GON4L: variants seen among roughly 807,000 people sequenced by gnomAD.
GON4L encodes the protein gon-4 like.
Under a neutral mutation model 211.8 loss-of-function variants are expected in GON4L, and 87 were observed. That is an observed-to-expected ratio of 0.41 (90% CI 0.35 to 0.49). The LOEUF (loss-of-function observed/expected upper bound fraction) is 0.49. GON4L is among the 20% of genes least tolerant of loss of function. GON4L has a pLI of 0.15. For synonymous variants in GON4L, 875 were observed against 962.6 expected, an observed-to-expected ratio of 0.91 and a Z score of 1.68; for missense variants, 2,155 against 2,659.5, an observed-to-expected ratio of 0.81 and a Z score of 4.17.
intron 2 of GON4L, among the ~76,000 whole-genome samples, chr1:155,829,691 T>C (rs1669565526): frequency 6.6e-6 from 1 of 152,186 alleles, no homozygotes; most frequent in South Asian, 2.1e-4. Context: ...TGGCAGTACA[T>C]AAGTTACAGA....
intron 2 of GON4L, among the ~76,000 whole-genome samples, chr1:155,837,660 A>ACC (rs1306544566): frequency 6.6e-6 from 1 of 151,562 alleles, no homozygotes; most frequent in Non-Finnish European, 1.5e-5. Context: ...AGGGAAAGGT[A>ACC]CCCCTCATCC....
chr1:155,826,772 A>G, intron 3 of GON4L, 65 bp downstream of exon 3: 1 of 1,039,264 alleles, frequency 9.6e-7, no homozygotes, highest in Admixed American at 1.8e-5. Flanking sequence ...GGACATGTGC[A>G]GTTTTCTACA....
intron 23 of GON4L, among the ~76,000 whole-genome samples, chr1:155,761,077 A>G (rs1571637198): frequency 6.6e-6 from 1 of 152,160 alleles, no homozygotes; most frequent in East Asian, 1.9e-4. Context: ...TATCATTGCC[A>G]GTATTCTGCT....
chr1:155,857,505 G>A (rs1156290731), upstream of GON4L, among the ~76,000 whole-genome samples: 1 of 152,140 alleles, frequency 6.6e-6, no homozygotes, highest in African/African-American at 2.4e-5. Context: ...GGAGGCGGGC[G>A]GATTACCTGA....
chr1:155,785,960 G>A (rs1299842472), intron 12 of GON4L, among the ~76,000 whole-genome samples: 2 of 152,138 alleles, frequency 1.3e-5, no homozygotes, highest in Non-Finnish European at 2.9e-5. Context: ...GCCAGCCGTG[G>A]TGGTGGGCGC....
chr1:155,851,620 G>A (rs1199782800), intron 2 of GON4L, among the ~76,000 whole-genome samples: 1 of 151,898 alleles, frequency 6.6e-6, no homozygotes, highest in Non-Finnish European at 1.5e-5. Flanking sequence ...GGAGGCTGAG[G>A]CAGGAGAATC....
chr1:155,824,614 C>T (rs1406442007), intron 3 of GON4L, among the ~76,000 whole-genome samples: 3 of 150,516 alleles, frequency 2.0e-5, no homozygotes, highest in South Asian at 4.2e-4. Context: ...AGTGGTGGAG[C>T]GCACCTGTAA....
At chr1:155,852,720 G>A (rs1006552211) in intron 2 of GON4L, among the ~76,000 whole-genome samples, 1 of 152,172 alleles carries the variant, frequency 6.6e-6, no homozygotes, top group Non-Finnish European at 1.5e-5. Context: ...CCTGGCCTGG[G>A]TGACAGAGCG....
Position 155,779,788 on chromosome 1 carries a change from A to AATTT in GON4L, c.1893-1972_1893-1969dup, listed in dbSNP as rs542685266. On this transcript the variant is annotated intron_variant, in intron 14 of 31. Coordinates refer to ENST00000368331, the MANE Select transcript of GON4L (RefSeq NM_001282860.2). ...TTAGGGTTGGGAACCTTAGAAGAGGAATTTATTTATTTATTTATTTATTTA... is the reference window on the plus strand; with the variant it reads ...TTAGGGTTGGGAACCTTAGAAGAGGAATTTATTTATTTATTTATTTATTTATTTA... Among the ~76,000 whole-genome samples, 963 of 151,784 alleles carry AATTT rather than the reference A, an allele frequency of 6.3e-3. 4 individuals are homozygous for AATTT. The highest frequency in any genetic ancestry group is 9.8e-3 in the Non-Finnish European group (664 of 67,894).
chr1:155,810,444 A>G lies in GON4L; in HGVS notation c.1452+3190T>C, dbSNP rs528954977. Reference sequence around the variant, plus strand: ...TGGCTAAGGCCAGGCATGGTGGCTCACGCCTGTAATCCTAGCACTTTGGGA... The same window carrying G: ...TGGCTAAGGCCAGGCATGGTGGCTCGCGCCTGTAATCCTAGCACTTTGGGA... On this transcript the variant is annotated intron_variant, in intron 10 of 31. Transcript: ENST00000368331. 1.9e-3 allele frequency among the ~76,000 whole-genome samples: 289 copies of G among 152,208 alleles called. 2 individuals are homozygous for G. The highest frequency in any genetic ancestry group is 6.6e-3 in the African/African-American group (276 of 41,532).
intron 3 of GON4L, among the ~76,000 whole-genome samples, chr1:155,822,828 CTT>C (rs1487390546): frequency 1.3e-5 from 2 of 152,154 alleles, no homozygotes; most frequent in Non-Finnish European, 2.9e-5. Flanking sequence ...AGTTTTCGCT[CTT>C]TGTTGCCCAG....
chr1:155,772,108 G>A (rs867550888), intron 18 of GON4L, among the ~76,000 whole-genome samples: 1 of 151,688 alleles, frequency 6.6e-6, no homozygotes, highest in South Asian at 2.1e-4. Context: ...AGCCGAGATC[G>A]CACCATTGCA....
Position 155,750,229 on chromosome 1 carries a change from G to T in GON4L, c.*355C>A. On this transcript the variant is annotated 3_prime_UTR_variant, in exon 32 of 32. Transcript: ENST00000368331. ...TTCATGCAGAGGAGCTCAATGTCGC[G>T]GGACTAGCTACACCAACATATGCAC... 1.1e-5 allele frequency: 6 copies of T among 553,514 alleles called. No homozygotes were observed. The East Asian group carries it at 1.8e-4, about 17-fold the overall frequency. The allele number at this position is 553,514 out of a possible 1,614,324, so 34.3% of individuals were successfully genotyped here.
intron 11 of GON4L, among the ~76,000 whole-genome samples, chr1:155,798,576 A>ATTTTTT (rs34273258): frequency 3.0e-4 from 27 of 89,512 alleles, no homozygotes; most frequent in African/African-American, 1.2e-3. Context: ...CGTCAGGCTA[A>ATTTTTT]TTTTTTTTTT....
downstream of GON4L, chr1:155,745,860 T>C: frequency 2.3e-6 from 2 of 865,964 alleles, no homozygotes; most frequent in Admixed American, 5.1e-5. Context: ...GTGCTCACAC[T>C]GCAGTTGGGA....
downstream of GON4L, among the ~76,000 whole-genome samples, chr1:155,745,617 C>G (rs1419245948): frequency 6.6e-6 from 1 of 152,032 alleles, no homozygotes; most frequent in Non-Finnish European, 1.5e-5. Flanking sequence ...CCGTGGAGCC[C>G]CGCCTCTCGC....
At position 155,765,538 on chromosome 1, in the gene GON4L, G is replaced by A. The variant is rs1662362378; in HGVS notation, c.3935C>T (p.Ser1312Phe). The A allele has an allele frequency of 6.2e-7, 1 of 1,614,148 alleles. No individual in the cohort carries two copies. ...ATCCCCAGGGGTAGGGTTGTTTAGA[G>A]ACTCCTGGATGCCCTGAGGGAGCGG... The part of the protein sequence containing the change: ...LEPLPQGIQE[S>F]LNNPTPGDLE... The change falls in exon 21 of 32, where the codon TCT becomes TTT. Residue 1312 changes from serine (S) to phenylalanine (F), a missense_variant. Ser to Phe is a radical substitution (Grantham distance 155). This residue lies in a region of GON4L where 615 missense variants were observed against 625.7 expected (regional missense o/e 0.98). Coordinates refer to ENST00000368331, the MANE Select transcript of GON4L (RefSeq NM_001282860.2).
chr1:155,768,928 T>TTG (rs1662863686), intron 19 of GON4L, among the ~76,000 whole-genome samples: 2 of 152,176 alleles, frequency 1.3e-5, no homozygotes, highest in Admixed American at 1.3e-4. Flanking sequence ...TCCTTCACGT[T>TTG]TGAGTTGTGT....
rs568745693 is a variant in GON4L at position 155,836,484 on chromosome 1, G to A, written c.506-9456C>T. 3.9e-5 allele frequency among the ~76,000 whole-genome samples: 6 copies of A among 152,240 alleles called. No individual in the cohort carries two copies. The South Asian group carries it at 1.2e-3, about 32-fold the overall frequency. On this transcript the variant is annotated intron_variant, in intron 2 of 31. Transcript: ENST00000368331. ...AGGTTGGTCTTGAACTCCTGACCTC[G>A]TGATCCCCCCGCCTCGGCCTCCCAG...
Sources: allele counts gnomAD v4.1 joint callset (sites outside exome capture counted in the v4.1 genomes callset), GRCh38; gene constraint gnomAD v4.1.1; regional missense constraint gnomAD v4.1.1; transcripts MANE v1.5; gene names NCBI Gene and HGNC (gene_info 2026-07-23, HGNC 2026-07-21).